Variants in LSP1 observed in about 807,000 individuals in gnomAD.
The protein encoded by LSP1 is lymphocyte-specific protein 1.
In LSP1, 32 loss-of-function variants were observed where a neutral mutation model predicts 49.3. The observed-to-expected ratio is 0.65, with a 90% CI of 0.49 to 0.87. The LOEUF (loss-of-function observed/expected upper bound fraction) is 0.87. LSP1 is among the 40% of genes least tolerant of loss of function. LSP1 has a pLI of 0.00. For missense variants in LSP1, 428 were observed against 442.6 expected (o/e 0.97, Z 0.30); for synonymous variants, 179 against 178.8 (o/e 1.00, Z -0.01).
intron 1 of LSP1, among the ~76,000 whole-genome samples, chr11:1,872,877 T>C (rs965778138): frequency 3.9e-5 from 6 of 151,988 alleles, no homozygotes; most frequent in African/African-American, 1.5e-4. Context: ...CTCAGGGCCC[T>C]CATGCAGCAC....
rs766858264 is a variant in LSP1 at position 1,884,028 on chromosome 11, A to G, written c.591+4A>G. 201 of 1,607,946 alleles carry G rather than the reference A, an allele frequency of 1.3e-4. No homozygotes were observed. The highest frequency in any genetic ancestry group is 2.7e-5 in the Non-Finnish European group (32 of 1,177,760). On this transcript the variant is annotated splice_donor_region_variant and intron_variant, in intron 5 of 10. Coordinates refer to ENST00000311604, the MANE Select transcript of LSP1 (RefSeq NM_002339.3). This position sits in a 1 kb window ranked among gnomAD's most constrained non-coding sequence, Gnocchi z 4.1. ...TCCCCTGAGCCCTACCACCAAAGTAAGTTAAGCTGCAAAGCCTGCCATCTT... is the reference window on the plus strand; with the variant it reads ...TCCCCTGAGCCCTACCACCAAAGTAGGTTAAGCTGCAAAGCCTGCCATCTT...
intron 1 of LSP1, chr11:1,869,120 C>T (rs550971296): frequency 1.2e-4 from 75 of 628,292 alleles, no homozygotes; most frequent in Non-Finnish European, 1.4e-4. Context: ...GGGTGAGGGG[C>T]TTGGCCCCTG....
rs566149348 is a variant in LSP1, at chr11:1,873,039, C to T, written c.54-7048C>T. ...GTAAGGAACCCAGAGGAACAGACCC[C>T]TCCCTGTGCACCTCTCCCCAGAGGT... On this transcript the variant is annotated intron_variant, in intron 1 of 10. Coordinates refer to ENST00000311604, the MANE Select transcript of LSP1 (RefSeq NM_002339.3). Among the ~76,000 whole-genome samples, 25 of 152,084 alleles carry T rather than the reference C, an allele frequency of 1.6e-4. 1 individual carries two copies. The South Asian group carries it at 5.2e-3, about 32-fold the overall frequency.
intron 1 of LSP1, among the ~76,000 whole-genome samples, chr11:1,879,001 C>T (rs1467490315): frequency 6.6e-6 from 1 of 152,150 alleles, no homozygotes; most frequent in Non-Finnish European, 1.5e-5. Context: ...GCCATGGTTT[C>T]AGGCTCTGAG....
In LSP1 at chr11:1,881,492, G is replaced by A; in HGVS notation, c.252G>A (p.Trp84Ter). The change falls in exon 3 of 11, where the codon TGG (tryptophan) becomes TGA (stop). Residue 84 changes from tryptophan to a stop codon, truncating the protein, a stop_gained. Coordinates refer to ENST00000311604, the MANE Select transcript of LSP1 (RefSeq NM_002339.3). LOFTEE classifies it high-confidence loss of function. ...ELDEDEGFGD[W>*]SQRPEQRQQH... ...ATGAGGACGAGGGCTTTGGCGACTG[G>A]TCCCAGAGGCCAGAGCAGCGGCAGC... 1.3e-6 allele frequency: 2 copies of A among 1,577,636 alleles called. No homozygotes were observed. The highest frequency in any genetic ancestry group is 2.3e-5 in the South Asian group (2 of 86,210).
Position 1,868,891 on chromosome 11 carries a change from GAT to G in LSP1, c.54-11195_54-11194del, listed in dbSNP as rs1182298680. 5.1e-6 allele frequency: 5 copies of G among 985,796 alleles called. No homozygotes were observed. The African/African-American group carries it at 8.7e-5, about 17-fold the overall frequency. The allele number at this position is 985,796 out of a possible 1,614,324, so 61.1% of individuals were successfully genotyped here. On this transcript the variant is annotated intron_variant, in intron 1 of 10. Coordinates refer to ENST00000311604, the MANE Select transcript of LSP1 (RefSeq NM_002339.3). ...GGGTGCCCTGGGCACTCGACCCCCA[GAT>G]GCCCCTGCTGGAACCGTAAAGGGGA... is the stretch of plus-strand genomic sequence containing the variant.
chr11:1,869,726 C>T, intron 1 of LSP1: 1 of 470,702 alleles, frequency 2.1e-6, no homozygotes, highest in Non-Finnish European at 4.4e-6. Flanking sequence ...CGCAGTGAGG[C>T]CAGGCGAGGG....
intron 10 of LSP1, chr11:1,891,158 C>T (rs1007339570): frequency 2.6e-5 from 4 of 154,640 alleles, no homozygotes; most frequent in South Asian, 2.0e-4. Context: ...GTAGATTGGC[C>T]GGAAGGTGGG....
In LSP1 at chr11:1,885,227, C is replaced by CTCA. The variant is rs1848707081; in HGVS notation, c.717+649_717+651dup. On this transcript the variant is annotated intron_variant, in intron 7 of 10. Coordinates refer to ENST00000311604, the MANE Select transcript of LSP1 (RefSeq NM_002339.3). ...ACCAATACCCTCCATCCAACCAATA[C>CTCA]TCATCTATCCAATGAATGGCTCACC... Among the ~76,000 whole-genome samples, 3 of 151,994 alleles carry CTCA rather than the reference C, an allele frequency of 2.0e-5. No homozygotes were observed. The South Asian group carries it at 6.2e-4, about 32-fold the overall frequency.
At chr11:1,863,614 G>A (rs866733214) in intron 1 of LSP1, 3 of 152,388 alleles carry the variant, frequency 2.0e-5, no homozygotes, top group South Asian at 2.1e-4. Flanking sequence ...GCTGACCCTC[G>A]GTGAGCCCTG....
chr11:1,873,125 G>T (rs1848114298), intron 1 of LSP1, among the ~76,000 whole-genome samples: 1 of 151,520 alleles, frequency 6.6e-6, no homozygotes, highest in Admixed American at 6.6e-5. Flanking sequence ...CAAGCCTCAG[G>T]TCATCAAGAG....
intron 1 of LSP1, among the ~76,000 whole-genome samples, chr11:1,876,860 A>G (rs987731218): frequency 2.6e-5 from 4 of 151,984 alleles, no homozygotes; most frequent in Non-Finnish European, 5.9e-5. Flanking sequence ...TTCTGTGCAT[A>G]CTGGTGTCCC....
chr11:1,875,682 C>A (rs1848278002), intron 1 of LSP1, among the ~76,000 whole-genome samples: 1 of 152,252 alleles, frequency 6.6e-6, no homozygotes, highest in Non-Finnish European at 1.5e-5. Context: ...CCCTGCCATG[C>A]CCAGCAGGGT....
chr11:1,881,563 A>T lies in LSP1; in HGVS notation c.323A>T (p.Gln108Leu), dbSNP rs11545725. Reference protein sequence around the residue: ...QGALDSGEPPQCRSPEGEQED... With the variant: ...QGALDSGEPPLCRSPEGEQED... The stretch of plus-strand genomic sequence containing the variant: ...GCCTTGGACAGCGGAGAGCCCCCCC[A>T]GTGCAGGAGTCCTGAGGGGGAGCAA... Residue 108 changes from glutamine (Q) to leucine (L), a missense_variant, in exon 3 of 11, where the codon CAG becomes CTG. Coordinates refer to ENST00000311604, the MANE Select transcript of LSP1 (RefSeq NM_002339.3). The T allele has an allele frequency of 0.1, 158,013 of 1,529,178 alleles. 10,084 individuals are homozygous for T. Among genetic ancestry groups the T allele is most frequent in the African/African-American group, 0.29 (21,060 of 71,872 alleles). The allele number at this position is 1,529,178 out of a possible 1,614,324, so 94.7% of individuals were successfully genotyped here.
chr11:1,868,226 G>A (rs1252334551), intron 1 of LSP1, among the ~76,000 whole-genome samples: 1 of 152,232 alleles, frequency 6.6e-6, no homozygotes, highest in Non-Finnish European at 1.5e-5. Context: ...AGGGCACCAG[G>A]CCGGCTGAGA....
intron 10 of LSP1, chr11:1,889,881 A>G: frequency 1.6e-6 from 1 of 628,934 alleles, no homozygotes; most frequent in Non-Finnish European, 2.9e-6. Context: ...GGCAGCCTGG[A>G]CTGTGGTGGG....
chr11:1,855,376 A>G (rs1039842832), intron 1 of LSP1, among the ~76,000 whole-genome samples: 1 of 152,156 alleles, frequency 6.6e-6, no homozygotes, highest in African/African-American at 2.4e-5. Flanking sequence ...TGCATGTCAC[A>G]GAGTGCCAGG....
At chr11:1,861,155 A>G (rs1008427907) in intron 1 of LSP1, among the ~76,000 whole-genome samples, 1 of 152,364 alleles carries the variant, frequency 6.6e-6, no homozygotes, top group Middle Eastern at 3.4e-3. Flanking sequence ...AAATAAGAAA[A>G]GAATTACTTC....
chr11:1,867,560 C>T (rs1450559984), intron 1 of LSP1, among the ~76,000 whole-genome samples: 1 of 152,150 alleles, frequency 6.6e-6, no homozygotes, highest in African/African-American at 2.4e-5. Context: ...TTCAAGGCCA[C>T]TCAGCCGGGC....
Sources: allele counts gnomAD v4.1 joint callset (sites outside exome capture counted in the v4.1 genomes callset), GRCh38; gene constraint gnomAD v4.1.1; non-coding constraint Gnocchi (gnomAD v3.1); transcripts MANE v1.5; gene names NCBI Gene and HGNC (gene_info 2026-07-23, HGNC 2026-07-21).